Variants in GPR149 observed in about 807,000 individuals in gnomAD.
The protein encoded by GPR149 is G protein-coupled receptor 149, also known as probable G protein-coupled receptor 149.
GPR149 carries 50 observed loss-of-function variants against 50.2 expected under a neutral mutation model. The observed-to-expected ratio is 1.00, with a 90% CI of 0.79 to 1.26. GPR149 has a LOEUF of 1.26. GPR149 is among the 50% of genes most tolerant of loss of function. The probability of loss-of-function intolerance (pLI) is 0.00; values close to 1 mark genes in which losing one functional copy is unlikely to be tolerated. For missense variants in GPR149, 983 were observed against 895.4 expected (o/e 1.10, Z -1.25); for synonymous variants, 405 against 358.2 (o/e 1.13, Z -1.48).
intron 3 of GPR149, among the ~76,000 whole-genome samples, chr3:154,385,276 C>T (rs975436285): frequency 1.4e-4 from 21 of 152,130 alleles, no homozygotes; most frequent in African/African-American, 4.3e-4. Context: ...CCAATCCCTG[C>T]GAATTCTTTG....
chr3:154,353,327 A>C lies in GPR149; in HGVS notation c.1624-15056T>G, dbSNP rs1714132013. 5.6e-6 allele frequency: 8 copies of C among 1,437,852 alleles called. No homozygotes were observed. The Admixed American group carries it at 1.0e-4, about 18-fold the overall frequency. The allele number at this position is 1,437,852 out of a possible 1,614,324, so 89.1% of individuals were successfully genotyped here. A position where few individuals can be genotyped will look rare whatever the true frequency, so the allele number is the denominator to read the frequency against. On this transcript the variant is annotated intron_variant, in intron 3 of 3. Coordinates refer to ENST00000389740, the MANE Select transcript of GPR149 (RefSeq NM_001038705.3). ...ATCTGGATTTCATGTATTTATTTGC[A>C]ACTTTGTATACCCACTGTGGGCAAG...
chr3:154,390,301 G>T (rs1342798489), intron 3 of GPR149, among the ~76,000 whole-genome samples: 2 of 152,090 alleles, frequency 1.3e-5, no homozygotes, highest in Non-Finnish European at 2.9e-5. Flanking sequence ...TCAAATAGAT[G>T]CTTGTAAAGG....
chr3:154,354,810 C>G, intron 3 of GPR149: 3 of 606,384 alleles, frequency 4.9e-6, no homozygotes. Flanking sequence ...TACTGGCCAC[C>G]ACCTCCCTCC....
chr3:154,414,232 A>G (rs1711921661), intron 3 of GPR149, among the ~76,000 whole-genome samples: 2 of 151,972 alleles, frequency 1.3e-5, no homozygotes, highest in Admixed American at 6.6e-5. Flanking sequence ...TGATGGGTGC[A>G]CCAAAATCTC....
intron 3 of GPR149, among the ~76,000 whole-genome samples, chr3:154,338,836 G>A (rs536323387): frequency 4.6e-5 from 7 of 152,176 alleles, no homozygotes; most frequent in African/African-American, 9.6e-5. Context: ...TACAAAGAGC[G>A]TACTTTTCCA....
intron 3 of GPR149, among the ~76,000 whole-genome samples, chr3:154,407,268 G>C (rs73000766): frequency 0.034 from 5,127 of 152,138 alleles, 260 homozygotes; most frequent in African/African-American, 0.12. Flanking sequence ...AATGAAAAAT[G>C]TAATATAAAA....
chr3:154,378,764 G>A (rs1279983388), intron 3 of GPR149, among the ~76,000 whole-genome samples: 4 of 152,152 alleles, frequency 2.6e-5, no homozygotes, highest in Non-Finnish European at 5.9e-5. Flanking sequence ...TTTTGTGGGT[G>A]TGTAGTGGTA....
intron 3 of GPR149, among the ~76,000 whole-genome samples, chr3:154,365,570 G>A (rs1056179653): frequency 4.0e-5 from 6 of 151,680 alleles, no homozygotes; most frequent in Non-Finnish European, 5.9e-5. Flanking sequence ...ATTCAATCTC[G>A]AGCATTTTTT....
intron 3 of GPR149, among the ~76,000 whole-genome samples, chr3:154,356,870 C>T (rs1714243477): frequency 2.0e-5 from 3 of 152,138 alleles, no homozygotes; most frequent in East Asian, 3.9e-4. Flanking sequence ...GCCCGCATCG[C>T]CAAGTCAATC....
intron 3 of GPR149, among the ~76,000 whole-genome samples, chr3:154,374,574 C>T (rs972873816): frequency 2.6e-4 from 40 of 152,094 alleles, no homozygotes; most frequent in African/African-American, 8.2e-4. Flanking sequence ...ATGTTTTAGA[C>T]TCAAACTAGG....
Position 154,393,820 on chromosome 3 carries a change from A to G in GPR149, c.1623+27219T>C, listed in dbSNP as rs1182415955. On this transcript the variant is annotated intron_variant, in intron 3 of 3. Transcript: ENST00000389740. ...AATTAGGCAAACAATCCTGTTTACAATAGCATCAAAAATAATAAAATACTT... is the reference window on the plus strand; with the variant it reads ...AATTAGGCAAACAATCCTGTTTACAGTAGCATCAAAAATAATAAAATACTT... Among the ~76,000 whole-genome samples the G allele has an allele frequency of 2.0e-5, 3 of 152,050 alleles. No individual in the cohort carries two copies. In the East Asian group the frequency reaches 5.8e-4, roughly 29 times the overall value.
At chr3:154,392,105 G>GA (rs751061260) in intron 3 of GPR149, among the ~76,000 whole-genome samples, 3 of 151,494 alleles carry the variant, frequency 2.0e-5, no homozygotes, top group Non-Finnish European at 4.4e-5. Context: ...TATAACATTT[G>GA]AAAAAAATCA....
chr3:154,401,004 G>A (rs1343470847), intron 3 of GPR149, among the ~76,000 whole-genome samples: 1 of 152,158 alleles, frequency 6.6e-6, no homozygotes, highest in Admixed American at 6.5e-5. Flanking sequence ...ACAGGATGAC[G>A]AATGCGTTTG....
At chr3:154,428,579 C>T (rs368991802) in intron 1 of GPR149, 56 bp downstream of exon 1, 1 of 1,536,710 alleles carries the variant, frequency 6.5e-7, no homozygotes, top group South Asian at 1.3e-5. Context: ...GGTCCCAACA[C>T]TCATTTACAC....
chr3:154,410,665 T>G (rs768423217), intron 3 of GPR149, among the ~76,000 whole-genome samples: 2 of 152,082 alleles, frequency 1.3e-5, no homozygotes, highest in Non-Finnish European at 2.9e-5. Context: ...TACATGCACC[T>G]AACACTGGAG....
At chr3:154,360,752 G>T (rs1035895391) in intron 3 of GPR149, among the ~76,000 whole-genome samples, 3 of 152,200 alleles carry the variant, frequency 2.0e-5, no homozygotes, top group Admixed American at 6.5e-5. Context: ...CTGCATATGT[G>T]CATAGAGACC....
At chr3:154,351,599 T>C (rs1178499744) in intron 3 of GPR149, among the ~76,000 whole-genome samples, 1 of 152,202 alleles carries the variant, frequency 6.6e-6, no homozygotes, top group East Asian at 1.9e-4. Flanking sequence ...GAGTCTATTG[T>C]TGAACCTGAG....
chr3:154,407,212 C>G (rs1219691840), intron 3 of GPR149, among the ~76,000 whole-genome samples: 1 of 151,974 alleles, frequency 6.6e-6, no homozygotes, highest in Non-Finnish European at 1.5e-5. Context: ...TTATATAGTT[C>G]TGATGCTTGA....
chr3:154,401,267 T>G (rs6773390), intron 3 of GPR149, among the ~76,000 whole-genome samples: 145,899 of 152,310 alleles, frequency 0.96, 69,984 homozygotes, highest in East Asian at 1. Flanking sequence ...ACTAAATAAA[T>G]ATTTCTAAAT....
Sources: allele counts gnomAD v4.1 joint callset (sites outside exome capture counted in the v4.1 genomes callset), GRCh38; gene constraint gnomAD v4.1.1; transcripts MANE v1.5; gene names NCBI Gene and HGNC (gene_info 2026-07-23, HGNC 2026-07-21).